Variants in CREB5 observed in about 807,000 individuals in gnomAD.
CREB5 encodes cAMP responsive element binding protein 5, also known as cyclic AMP-responsive element-binding protein 5.
Under a neutral mutation model 57.1 loss-of-function variants are expected in CREB5, and 19 were observed. The ratio of observed to expected loss-of-function variants is 0.33; its 90% CI spans 0.23 to 0.49. CREB5 has a LOEUF of 0.49. Among genes scored for constraint, CREB5 ranks in the 20% least tolerant of loss-of-function variants. CREB5 has a pLI of 0.99. For missense variants in CREB5, 579 were observed against 671.6 expected, an observed-to-expected ratio of 0.86 and a Z score of 1.52; for synonymous variants, 238 against 238.3, an observed-to-expected ratio of 1.00 and a Z score of 0.01.
intron 5 of CREB5, among the ~76,000 whole-genome samples, chr7:28,679,578 C>T (rs1377501155): frequency 6.6e-6 from 1 of 152,134 alleles, no homozygotes; most frequent in Non-Finnish European, 1.5e-5. Context: ...GATGTTATGC[C>T]ACAAAAATGC....
rs1222726709 is a variant in CREB5 at position 28,820,529 on chromosome 7, C to T, written c.*1250C>T. 6.6e-6 allele frequency: 1 copy of T among 152,172 alleles called. No homozygotes were observed. Among genetic ancestry groups the T allele is most frequent in the East Asian group, 1.9e-4 (1 of 5,180 alleles). The allele number at this position is 152,172 out of a possible 1,614,324, so 9.4% of individuals were successfully genotyped here. ...AAAACCCAGTGTTTCCATAGGGGCA[C>T]TTTTAGCCTTCCCACAACAGTTAAG... On this transcript the variant is annotated 3_prime_UTR_variant, in exon 11 of 11. Coordinates refer to ENST00000357727, the MANE Select transcript of CREB5 (RefSeq NM_182898.4).
intron 5 of CREB5, among the ~76,000 whole-genome samples, chr7:28,574,835 A>C (rs1795843657): frequency 6.6e-6 from 1 of 152,232 alleles, no homozygotes; most frequent in South Asian, 2.1e-4. Context: ...TTACGTAAAA[A>C]AACCCTCCCT....
At chr7:28,564,320 A>G (rs1458623049) in intron 4 of CREB5, among the ~76,000 whole-genome samples, 2 of 152,214 alleles carry the variant, frequency 1.3e-5, no homozygotes, top group East Asian at 1.9e-4. Flanking sequence ...TTGAGACCTT[A>G]CAGGAATCAA....
At chr7:28,523,111 C>G (rs1021840012) in intron 4 of CREB5, among the ~76,000 whole-genome samples, 4 of 152,292 alleles carry the variant, frequency 2.6e-5, no homozygotes, top group African/African-American at 9.6e-5. Context: ...GAATGACTGC[C>G]TTGAGGAAAG....
At chr7:28,815,132 G>T (rs144605967) in intron 9 of CREB5, among the ~76,000 whole-genome samples, 4 of 152,264 alleles carry the variant, frequency 2.6e-5, no homozygotes, top group African/African-American at 9.6e-5. Flanking sequence ...AATTAGGTGG[G>T]CATTGTGGCA....
intron 1 of CREB5, among the ~76,000 whole-genome samples, chr7:28,390,132 A>C (rs1408623423): frequency 6.6e-6 from 1 of 152,078 alleles, no homozygotes; most frequent in Non-Finnish European, 1.5e-5. Flanking sequence ...AAATGAGAAC[A>C]TAACCATCGC....
chr7:28,395,691 T>C (rs1196632466), intron 1 of CREB5, among the ~76,000 whole-genome samples: 1 of 152,158 alleles, frequency 6.6e-6, no homozygotes, highest in Non-Finnish European at 1.5e-5. Context: ...AATAAAGATA[T>C]AAAACCTTTT....
intron 5 of CREB5, among the ~76,000 whole-genome samples, chr7:28,670,476 A>G (rs757662869): frequency 2.3e-4 from 35 of 152,188 alleles, no homozygotes; most frequent in Non-Finnish European, 3.5e-4. Context: ...ATTTACCTGA[A>G]TTTGGGCTAC....
chr7:28,373,181 G>A (rs763615023), intron 1 of CREB5, among the ~76,000 whole-genome samples: 5 of 152,162 alleles, frequency 3.3e-5, no homozygotes, highest in Non-Finnish European at 7.3e-5. Flanking sequence ...GACTTGTGAT[G>A]TCCCTCCTGA....
rs78572073 is a variant in CREB5, at chr7:28,590,790, A to T, written c.464+20253A>T. ...TCAGTGCCTCTGTTTCTCTTCCCTA[A>T]TGTGTTAAAATGAAGATATTGCCCT... On this transcript the variant is annotated intron_variant, in intron 5 of 10. Transcript: ENST00000357727. 1.8e-3 allele frequency among the ~76,000 whole-genome samples: 269 copies of T among 152,078 alleles called. 7 individuals carry two copies. In the East Asian group the frequency reaches 0.05, roughly 28 times the overall value.
intron 4 of CREB5, among the ~76,000 whole-genome samples, chr7:28,569,658 A>T (rs1438528376): frequency 6.6e-6 from 1 of 152,142 alleles, no homozygotes; most frequent in African/African-American, 2.4e-5. Context: ...CAAACATCCT[A>T]TGTTCCAGAG....
At chr7:28,570,135 G>T (rs1291592219) in intron 4 of CREB5, among the ~76,000 whole-genome samples, 1 of 152,196 alleles carries the variant, frequency 6.6e-6, no homozygotes, top group Non-Finnish European at 1.5e-5. Flanking sequence ...AGAGTGGTAA[G>T]GAAACTTTAA....
intron 1 of CREB5, among the ~76,000 whole-genome samples, chr7:28,308,661 C>A (rs940086956): frequency 6.6e-6 from 1 of 152,096 alleles, no homozygotes; most frequent in East Asian, 1.9e-4. Flanking sequence ...TTATGCCAGT[C>A]CCCCGGCACA....
chr7:28,825,667 A>G lies in CREB5; in HGVS notation c.*6388A>G, dbSNP rs1200561085. 1 of 152,624 alleles carries G rather than the reference A, an allele frequency of 6.6e-6. No homozygotes were observed. The highest frequency in any genetic ancestry group is 6.6e-5 in the Admixed American group (1 of 15,266). The allele number at this position is 152,624 out of a possible 1,614,324, so 9.5% of individuals were successfully genotyped here. ...TGGAAGGAGAAAAAAAGGGGTACAT[A>G]CATGTAAATACTTGCTGCAGCATTT... On this transcript the variant is annotated 3_prime_UTR_variant, in exon 11 of 11. Coordinates refer to ENST00000357727, the MANE Select transcript of CREB5 (RefSeq NM_182898.4).
intron 1 of CREB5, among the ~76,000 whole-genome samples, chr7:28,310,198 T>TG (rs1453192039): frequency 2.6e-5 from 4 of 151,874 alleles, no homozygotes; most frequent in Non-Finnish European, 5.9e-5. Context: ...AAGGGAGTAG[T>TG]GGGGGGTGAG....
chr7:28,519,007 G>A (rs1377776481), intron 4 of CREB5, among the ~76,000 whole-genome samples: 1 of 152,140 alleles, frequency 6.6e-6, no homozygotes, highest in Non-Finnish European at 1.5e-5. Flanking sequence ...CCTAGGTAGG[G>A]GTTGTTAGAT....
At chr7:28,801,631 G>A (rs1310671526) in intron 7 of CREB5, among the ~76,000 whole-genome samples, 2 of 152,124 alleles carry the variant, frequency 1.3e-5, no homozygotes, top group African/African-American at 2.4e-5. Context: ...AGAGTTGTCT[G>A]GAATGCTGTT....
At chr7:28,304,823 C>A (rs1389167661) in intron 1 of CREB5, among the ~76,000 whole-genome samples, 1 of 152,028 alleles carries the variant, frequency 6.6e-6, no homozygotes, top group Non-Finnish European at 1.5e-5. Flanking sequence ...GGCTGTAGGA[C>A]AGAAAATAGT....
intron 1 of CREB5, among the ~76,000 whole-genome samples, chr7:28,449,006 A>G (rs1789645695): frequency 6.6e-6 from 1 of 152,186 alleles, no homozygotes; most frequent in South Asian, 2.1e-4. Context: ...TTCTTAATCA[A>G]TTCATAAGCA....
Sources: allele counts gnomAD v4.1 joint callset (sites outside exome capture counted in the v4.1 genomes callset), GRCh38; gene constraint gnomAD v4.1.1; transcripts MANE v1.5; gene names NCBI Gene and HGNC (gene_info 2026-07-23, HGNC 2026-07-21).